SLC41A2: variants seen among roughly 807,000 people sequenced by gnomAD.
SLC41A2 encodes the protein SLC41A1-like 1.
Under a neutral mutation model 58.3 loss-of-function variants are expected in SLC41A2, and 32 were observed. The observed-to-expected ratio is 0.55, with a 90% CI of 0.41 to 0.74. The LOEUF (loss-of-function observed/expected upper bound fraction) is 0.74. SLC41A2 is among the 30% of genes least tolerant of loss of function. The probability of loss-of-function intolerance (pLI) is 0.00; values close to 1 mark genes in which losing one functional copy is unlikely to be tolerated. For missense variants in SLC41A2, 514 were observed against 680.6 expected (o/e 0.76, Z 2.72); for synonymous variants, 190 against 235.0 (o/e 0.81, Z 1.75).
intron 4 of SLC41A2, among the ~76,000 whole-genome samples, chr12:104,889,840 T>C (rs969146977): frequency 5.9e-5 from 9 of 152,108 alleles, no homozygotes; most frequent in African/African-American, 2.2e-4. Context: ...CCTCAAACTT[T>C]GTGATTTAAA....
intron 6 of SLC41A2, among the ~76,000 whole-genome samples, chr12:104,869,402 AAG>A (rs923559819): frequency 3.9e-5 from 6 of 152,246 alleles, no homozygotes; most frequent in Admixed American, 3.9e-4. Flanking sequence ...TACATAGACA[AAG>A]AGAGAGAACA....
chr12:104,917,331 C>G (rs780561499), intron 2 of SLC41A2, among the ~76,000 whole-genome samples: 13 of 151,618 alleles, frequency 8.6e-5, no homozygotes, highest in Middle Eastern at 3.4e-3. Context: ...AACAACAGGT[C>G]CTGGAGAGGA....
chr12:104,909,482 A>G (rs1174343738), intron 3 of SLC41A2, among the ~76,000 whole-genome samples, 173 bp downstream of exon 3: 3 of 152,230 alleles, frequency 2.0e-5, no homozygotes, highest in South Asian at 4.1e-4. Flanking sequence ...AAGAGGGCCT[A>G]TAATTATCAG....
At chr12:104,915,797 C>T (rs1318460283) in intron 2 of SLC41A2, among the ~76,000 whole-genome samples, 1 of 152,130 alleles carries the variant, frequency 6.6e-6, no homozygotes, top group Non-Finnish European at 1.5e-5. Flanking sequence ...CCAGAACTTC[C>T]AACACTATGT....
intron 10 of SLC41A2, among the ~76,000 whole-genome samples, chr12:104,825,170 C>T (rs2041794446): frequency 2.0e-5 from 3 of 152,124 alleles, no homozygotes; most frequent in Non-Finnish European, 4.4e-5. Context: ...CAAATCAGAC[C>T]AATTTTTTCC....
At position 104,851,132 on chromosome 12, in the gene SLC41A2, A is replaced by G. The variant is rs969453554; in HGVS notation, c.1256-5158T>C. Among the ~76,000 whole-genome samples, 7 of 152,346 alleles carry G rather than the reference A, an allele frequency of 4.6e-5. 1 individual carries two copies. Among genetic ancestry groups the G allele is most frequent in the Admixed American group, 1.3e-4 (2 of 15,306 alleles). ...AATGCATACATGAAAGATGCTTAGC[A>G]CAGTTTCTGGACATGGTAAAGGCTT... is the stretch of plus-strand genomic sequence containing the variant. On this transcript the variant is annotated intron_variant, in intron 8 of 10. Coordinates refer to ENST00000258538, the MANE Select transcript of SLC41A2 (RefSeq NM_001352171.3).
intron 7 of SLC41A2, among the ~76,000 whole-genome samples, 180 bp downstream of exon 7, chr12:104,866,252 A>G (rs967687029): frequency 6.6e-6 from 1 of 152,112 alleles, no homozygotes; most frequent in Non-Finnish European, 1.5e-5. Flanking sequence ...ATCCCTTGTT[A>G]TAATACCCGG....
chr12:104,818,708 C>T (rs1487181112), intron 10 of SLC41A2, among the ~76,000 whole-genome samples: 2 of 152,072 alleles, frequency 1.3e-5, no homozygotes, highest in Non-Finnish European at 2.9e-5. Context: ...GAAACCCCAT[C>T]TCTACTAAAA....
intron 3 of SLC41A2, among the ~76,000 whole-genome samples, chr12:104,908,789 C>T (rs1188995367): frequency 2.0e-5 from 3 of 152,086 alleles, no homozygotes; most frequent in East Asian, 1.9e-4. Flanking sequence ...TTATGCTTTT[C>T]GAATGACAAT....
At chr12:104,819,808 T>C (rs2041554838) in intron 10 of SLC41A2, among the ~76,000 whole-genome samples, 1 of 152,212 alleles carries the variant, frequency 6.6e-6, no homozygotes, top group Admixed American at 6.5e-5. Flanking sequence ...ATGAATTCAG[T>C]AGAATCCCCT....
intron 8 of SLC41A2, among the ~76,000 whole-genome samples, chr12:104,859,595 G>A (rs547631907): frequency 1.3e-5 from 2 of 152,232 alleles, no homozygotes; most frequent in East Asian, 3.9e-4. Context: ...GGCATGAAGA[G>A]AGAGACCTAT....
intron 1 of SLC41A2, among the ~76,000 whole-genome samples, chr12:104,953,770 G>T (rs1336518543): frequency 6.6e-6 from 1 of 152,160 alleles, no homozygotes; most frequent in East Asian, 1.9e-4. Context: ...TATCTGGCTT[G>T]AGTCTGATCT....
chr12:104,888,483 C>A (rs956472593), intron 5 of SLC41A2, among the ~76,000 whole-genome samples: 1 of 152,036 alleles, frequency 6.6e-6, no homozygotes, highest in Non-Finnish European at 1.5e-5. Context: ...AGAAAAATAA[C>A]CCAAATAAAA....
chr12:104,930,392 T>C (rs535206526), intron 1 of SLC41A2, among the ~76,000 whole-genome samples: 1,894 of 150,702 alleles, frequency 0.013, 52 homozygotes, highest in African/African-American at 0.044. Context: ...AAGGCTGAGC[T>C]ATACATCTGG....
At chr12:104,826,182 C>G (rs1466116208) in intron 10 of SLC41A2, among the ~76,000 whole-genome samples, 7 of 152,164 alleles carry the variant, frequency 4.6e-5, no homozygotes, top group African/African-American at 1.4e-4. Flanking sequence ...TATCCTGAAC[C>G]ATTGGGACTG....
At chr12:104,886,693 G>T (rs1443271834) in intron 5 of SLC41A2, among the ~76,000 whole-genome samples, 1 of 151,900 alleles carries the variant, frequency 6.6e-6, no homozygotes, top group African/African-American at 2.4e-5. Flanking sequence ...TAAAATTATG[G>T]TAAAGCTAAA....
intron 2 of SLC41A2, among the ~76,000 whole-genome samples, chr12:104,911,680 T>C (rs531558454): frequency 1.3e-5 from 2 of 152,294 alleles, no homozygotes; most frequent in South Asian, 2.1e-4. Flanking sequence ...CAAACAGATG[T>C]AGAACTGGGG....
intron 10 of SLC41A2, among the ~76,000 whole-genome samples, chr12:104,815,868 T>A (rs7963751): frequency 6.6e-6 from 1 of 152,214 alleles, no homozygotes; most frequent in Non-Finnish European, 1.5e-5. Flanking sequence ...TATTCAGATA[T>A]AAGCATCTTT....
At chr12:104,823,567 G>C (rs534664099) in intron 10 of SLC41A2, among the ~76,000 whole-genome samples, 2 of 152,112 alleles carry the variant, frequency 1.3e-5, no homozygotes, top group Admixed American at 1.3e-4. Context: ...GTAACAACCG[G>C]ATGTTCATAC....
Sources: gnomAD v4.1 joint callset for allele counts (sites outside exome capture counted in the v4.1 genomes callset) on GRCh38, gnomAD v4.1.1 for gene constraint, MANE v1.5 for transcripts, NCBI Gene and HGNC (gene_info 2026-07-23, HGNC 2026-07-21) for gene names.